CEP192: variants seen among roughly 807,000 people sequenced by gnomAD.
CEP192 encodes the protein centrosomal protein 192, also known as centrosomal protein of 192 kDa.
Under a neutral mutation model 271.8 loss-of-function variants are expected in CEP192, and 151 were observed. The ratio of observed to expected loss-of-function variants is 0.56; its 90% CI spans 0.49 to 0.64. CEP192 has a LOEUF of 0.64. Among genes scored for constraint, CEP192 ranks in the 30% least tolerant of loss-of-function variants. The pLI is 0.00. For missense variants in CEP192, 2,910 were observed against 3,020.5 expected, an observed-to-expected ratio of 0.96 and a Z score of 0.86; for synonymous variants, 995 against 1,076.5, an observed-to-expected ratio of 0.92 and a Z score of 1.48.
At chr18:13,051,380 T>C (rs1307267672) in intron 17 of CEP192, among the ~76,000 whole-genome samples, 2 of 152,106 alleles carry the variant, frequency 1.3e-5, no homozygotes, top group Admixed American at 6.5e-5. Flanking sequence ...TGTGTGTGTG[T>C]GCGTGTGTGC....
chr18:13,100,864 T>C (rs944559979), intron 38 of CEP192, among the ~76,000 whole-genome samples: 13 of 152,294 alleles, frequency 8.5e-5, no homozygotes, highest in African/African-American at 3.1e-4. Context: ...TCACGTGACA[T>C]TGAGGCTCCA....
chr18:13,070,985 G>C, intron 27 of CEP192, 54 bp from the exon 28 acceptor site: 1 of 1,443,730 alleles, frequency 6.9e-7, no homozygotes. Context: ...ATAGGAAATA[G>C]TTGCGAAAAG....
rs1009510306 is a variant in CEP192, at chr18:13,038,671, A to C, written c.1809+92A>C. On this transcript the variant is annotated intron_variant, in intron 13 of 44. Transcript: ENST00000506447. ...ACAGTGACTTTAAAATGGAGATAGA[A>C]TAGGATGGGACAGAAGAGTGGTAAA... 7 of 973,936 alleles carry C rather than the reference A, an allele frequency of 7.2e-6. No individual in the cohort carries two copies. In the Admixed American group the frequency reaches 1.2e-4, roughly 17 times the overall value. The allele number at this position is 973,936 out of a possible 1,614,324, so 60.3% of individuals were successfully genotyped here. A position where few individuals can be genotyped will look rare whatever the true frequency, so the allele number is the denominator to read the frequency against.
intron 3 of CEP192, among the ~76,000 whole-genome samples, chr18:13,002,192 G>C (rs1355467255): frequency 1.3e-5 from 2 of 151,914 alleles, no homozygotes; most frequent in African/African-American, 4.8e-5. Flanking sequence ...TTTATTTGTA[G>C]TCTTCCATAC....
intron 40 of CEP192, among the ~76,000 whole-genome samples, chr18:13,108,983 C>T (rs1309874486): frequency 6.6e-6 from 1 of 152,188 alleles, no homozygotes; most frequent in African/African-American, 2.4e-5. Flanking sequence ...ACCATGGAGA[C>T]CAGTTTGGAG....
At chr18:13,021,763 G>A (rs1031204109) in intron 9 of CEP192, among the ~76,000 whole-genome samples, 4 of 152,160 alleles carry the variant, frequency 2.6e-5, no homozygotes, top group African/African-American at 9.7e-5. Context: ...GTCCGTTTAG[G>A]TCTTTAGGTC....
At chr18:12,999,016 C>T (rs113111308) in intron 1 of CEP192, among the ~76,000 whole-genome samples, 247 of 152,136 alleles carry the variant, frequency 1.6e-3, no homozygotes, top group Non-Finnish European at 2.6e-3. Flanking sequence ...TTTTCTGTTC[C>T]GTATTAGAAT....
At chr18:13,056,734 T>C in intron 19 of CEP192, 36 bp downstream of exon 19, 1 of 1,486,386 alleles carries the variant, frequency 6.7e-7, no homozygotes. Flanking sequence ...TTACTTGCTA[T>C]TATTTTCTCA....
At chr18:13,101,189 G>A (rs551856828) in intron 38 of CEP192, among the ~76,000 whole-genome samples, 2 of 152,214 alleles carry the variant, frequency 1.3e-5, no homozygotes, top group Non-Finnish European at 2.9e-5. Flanking sequence ...GTGAACAGCT[G>A]ATACTGTATT....
At chr18:13,122,726 C>T (rs1030838465) in intron 44 of CEP192, among the ~76,000 whole-genome samples, 1 of 152,210 alleles carries the variant, frequency 6.6e-6, no homozygotes, top group Non-Finnish European at 1.5e-5. Context: ...TCCCTAGATG[C>T]ATTTCTGCTC....
At chr18:13,106,915 G>A (rs948898185) in intron 40 of CEP192, among the ~76,000 whole-genome samples, 10 of 152,216 alleles carry the variant, frequency 6.6e-5, no homozygotes, top group Admixed American at 4.6e-4. Flanking sequence ...ATCCACTGTA[G>A]CCAAAATTAT....
At chr18:13,006,546 T>A (rs1460046246) in intron 3 of CEP192, among the ~76,000 whole-genome samples, 1 of 152,246 alleles carries the variant, frequency 6.6e-6, no homozygotes, top group Non-Finnish European at 1.5e-5. Context: ...AAGATTCTGA[T>A]TAGAAATTTT....
intron 13 of CEP192, among the ~76,000 whole-genome samples, 184 bp from the exon 14 acceptor site, chr18:13,040,646 A>G (rs1361585307): frequency 6.6e-6 from 1 of 152,194 alleles, no homozygotes; most frequent in Non-Finnish European, 1.5e-5. Context: ...AAAGGTAGCT[A>G]GTATTAAGGA....
rs141164700 is a variant in CEP192 at position 13,107,795 on chromosome 18, A to G, written c.7047+2716A>G. ...CAAATGGAGCAAACAGCACTGTGAT[A>G]CTGACTTTGTTTATTAAAAAATAAT... On this transcript the variant is annotated intron_variant, in intron 40 of 44. Transcript: ENST00000506447. Among the ~76,000 whole-genome samples the G allele has an allele frequency of 4.1e-3, 631 of 152,156 alleles. 5 individuals are homozygous for G. Among genetic ancestry groups the G allele is most frequent in the African/African-American group, 0.014 (582 of 41,508 alleles).
At chr18:13,085,027 A>G (rs1403334489) in intron 30 of CEP192, among the ~76,000 whole-genome samples, 2 of 150,586 alleles carry the variant, frequency 1.3e-5, no homozygotes, top group Non-Finnish European at 3.0e-5. Flanking sequence ...GGGTTTCACC[A>G]TGTTAGCCAG....
chr18:13,074,247 G>A (rs1412938328), intron 30 of CEP192, among the ~76,000 whole-genome samples: 4 of 152,234 alleles, frequency 2.6e-5, no homozygotes, highest in Non-Finnish European at 4.4e-5. Context: ...TGACGCTGGA[G>A]CTTGAGCTCT....
chr18:13,007,184 C>CGTG (rs2034036525), intron 3 of CEP192, among the ~76,000 whole-genome samples: 1 of 152,134 alleles, frequency 6.6e-6, no homozygotes, highest in Admixed American at 6.5e-5. Context: ...CTGGGGTAAG[C>CGTG]GTGGGTTAGG....
chr18:13,099,437 G>A (rs946282832), intron 36 of CEP192, 39 bp from the exon 37 acceptor site: 14 of 1,020,982 alleles, frequency 1.4e-5, no homozygotes, highest in Non-Finnish European at 2.1e-5. Flanking sequence ...CTGTTAAAAT[G>A]CAGGCTCTTT....
chr18:13,066,766 G>A (rs941986299), intron 21 of CEP192, among the ~76,000 whole-genome samples: 2 of 151,858 alleles, frequency 1.3e-5, no homozygotes, highest in Non-Finnish European at 2.9e-5. Flanking sequence ...AATTCCATTC[G>A]AGCCTCACCC....
Sources: gnomAD v4.1 joint callset for allele counts (sites outside exome capture counted in the v4.1 genomes callset) on GRCh38, gnomAD v4.1.1 for gene constraint, MANE v1.5 for transcripts, NCBI Gene and HGNC (gene_info 2026-07-23, HGNC 2026-07-21) for gene names.